Variants in KTN1 observed in about 807,000 individuals in gnomAD.
KTN1 encodes the protein kinectin 1, also known as kinectin.
KTN1 carries 130 observed loss-of-function variants against 222.5 expected under a neutral mutation model. The ratio of observed to expected loss-of-function variants is 0.58; its 90% CI spans 0.51 to 0.68. The LOEUF (loss-of-function observed/expected upper bound fraction) is 0.68. Among genes scored for constraint, KTN1 ranks in the 30% least tolerant of loss-of-function variants. The probability of loss-of-function intolerance (pLI) is 0.00; values close to 1 mark genes in which losing one functional copy is unlikely to be tolerated. For missense variants in KTN1, 1,508 were observed against 1,500.4 expected, an observed-to-expected ratio of 1.01 and a Z score of -0.08; for synonymous variants, 512 against 496.3, an observed-to-expected ratio of 1.03 and a Z score of -0.42.
At chr14:55,613,748 C>T (rs764425717) in intron 2 of KTN1, among the ~76,000 whole-genome samples, 6 of 152,018 alleles carry the variant, frequency 3.9e-5, no homozygotes, top group South Asian at 2.1e-4. Flanking sequence ...AAATTACAGG[C>T]GTGAGCCACC....
In KTN1 at chr14:55,634,526, G is replaced by T. The variant is rs138725576; in HGVS notation, c.1329G>T (p.Lys443Asn). 1.2e-6 allele frequency: 2 copies of T among 1,603,096 alleles called. No homozygotes were observed. Among genetic ancestry groups the T allele is most frequent in the African/African-American group, 2.7e-5 (2 of 74,074 alleles). The part of the protein sequence containing the change: ...VSNTTNQLES[K>N]QSAELNKLRQ... ...CTCCTAATCCAGTTACTGTTTTCAG[G>T]CAGTCTGCAGAACTAAATAAACTAC... is the stretch of plus-strand genomic sequence containing the variant. The change falls in exon 9 of 44, where the codon AAG becomes AAT. Residue 443 changes from lysine (K) to asparagine (N), a missense_variant and splice_region_variant. Lys to Asn is a moderately conservative substitution (Grantham distance 94, BLOSUM62 0). Coordinates refer to ENST00000395314, the MANE Select transcript of KTN1 (RefSeq NM_001079521.2).
chr14:55,672,595 GT>G (rs3215766), intron 37 of KTN1, 34 bp from the exon 38 acceptor site: 489,935 of 1,362,162 alleles, frequency 0.36, 90,181 homozygotes, highest in Middle Eastern at 0.41. Flanking sequence ...ATCCTTGGTG[GT>G]TTTACTTGGC....
intron 1 of KTN1, among the ~76,000 whole-genome samples, chr14:55,583,195 A>T (rs2032129814): frequency 2.0e-5 from 3 of 152,282 alleles, no homozygotes. Flanking sequence ...AAAGAGAAAT[A>T]ATGACAGTTT....
intron 5 of KTN1, among the ~76,000 whole-genome samples, chr14:55,625,971 A>T (rs1241663305): frequency 6.6e-6 from 1 of 152,182 alleles, no homozygotes; most frequent in Non-Finnish European, 1.5e-5. Context: ...TACTCTACAC[A>T]CATCAAGGGA....
intron 1 of KTN1, 116 bp from the exon 2 acceptor site, chr14:55,611,903 T>C: frequency 4.6e-6 from 2 of 436,992 alleles, no homozygotes; most frequent in Non-Finnish European, 8.0e-6. Context: ...CTGTTTAGAT[T>C]TGTAGGTCAG....
chr14:55,626,984 G>A (rs543209181), intron 5 of KTN1, among the ~76,000 whole-genome samples: 1 of 151,860 alleles, frequency 6.6e-6, no homozygotes, highest in East Asian at 1.9e-4. Flanking sequence ...CTTTCAGGAT[G>A]TGCCTGTTAA....
chr14:55,589,349 AGTG>A (rs567210627), intron 1 of KTN1, among the ~76,000 whole-genome samples: 23 of 152,268 alleles, frequency 1.5e-4, no homozygotes, highest in African/African-American at 5.3e-4. Context: ...CCCAGGCTGG[AGTG>A]CAGTGGTACA....
intron 20 of KTN1, among the ~76,000 whole-genome samples, chr14:55,648,601 G>A (rs1394792405): frequency 2.0e-5 from 3 of 152,142 alleles, no homozygotes; most frequent in Non-Finnish European, 4.4e-5. Flanking sequence ...GGATGTAATT[G>A]AATTAAAAAT....
At position 55,649,786 on chromosome 14, in the gene KTN1, C is replaced by A. The variant is rs1273574140; in HGVS notation, c.2378C>A (p.Ala793Asp). Residue 793 changes from alanine to aspartate, a missense_variant, in exon 22 of 44, where the codon GCC becomes GAC. Ala to Asp is a moderately radical substitution (Grantham distance 126). Transcript: ENST00000395314. ...CTTTCCTATTTCCAGGTTTCTTTTG[C>A]CTCTCTAGTTGAAGAACTTAAGAAA... ...KAKQNDQVSF[A>D]SLVEELKKVI... The A allele has an allele frequency of 6.6e-7, 1 of 1,518,778 alleles. No individual in the cohort carries two copies. The highest frequency in any genetic ancestry group is 9.0e-7 in the Non-Finnish European group (1 of 1,106,396). The allele number at this position is 1,518,778 out of a possible 1,614,324, so 94.1% of individuals were successfully genotyped here. A position where few individuals can be genotyped will look rare whatever the true frequency, so the allele number is the denominator to read the frequency against.
chr14:55,673,332 C>G, intron 40 of KTN1, 77 bp downstream of exon 40: 1 of 850,458 alleles, frequency 1.2e-6, no homozygotes, highest in Non-Finnish European at 1.9e-6. Context: ...ACCATCCAGG[C>G]TTTTTTTTCT....
Position 55,627,519 on chromosome 14 carries a change from A to C in KTN1, c.964-393A>C, listed in dbSNP as rs187874052. On this transcript the variant is annotated intron_variant, in intron 5 of 43. Transcript: ENST00000395314. ...TGTGCAGAACGTGCAGGTTTGTTAC[A>C]TAGGTATACACATGCCGTGGTGGTT... Among the ~76,000 whole-genome samples, 6 of 152,036 alleles carry C rather than the reference A, an allele frequency of 3.9e-5. No individual in the cohort carries two copies. In the East Asian group the frequency reaches 1.2e-3, roughly 29 times the overall value.
Position 55,619,062 on chromosome 14 carries a change from C to T in KTN1, c.833-120C>T, listed in dbSNP as rs575841474. On this transcript the variant is annotated intron_variant, in intron 4 of 43. Transcript: ENST00000395314. ...GTTTTATTTAACCTGAAGTATATATCTGTTTTCTTTCGGTTATTGACTTTC... is the reference window on the plus strand; with the variant it reads ...GTTTTATTTAACCTGAAGTATATATTTGTTTTCTTTCGGTTATTGACTTTC... The T allele has an allele frequency of 5.5e-4, 389 of 706,886 alleles. 5 individuals carry two copies. In the South Asian group the frequency reaches 7.0e-3, roughly 13 times the overall value. The allele number at this position is 706,886 out of a possible 1,614,324, so 43.8% of individuals were successfully genotyped here.
chr14:55,589,831 G>C (rs2033785826), intron 1 of KTN1, among the ~76,000 whole-genome samples: 1 of 151,674 alleles, frequency 6.6e-6, no homozygotes, highest in South Asian at 2.1e-4. Flanking sequence ...GCTAATTTTT[G>C]TATTTTTAGT....
At chr14:55,649,554 A>AT (rs1315078104) in intron 21 of KTN1, among the ~76,000 whole-genome samples, 2 of 152,094 alleles carry the variant, frequency 1.3e-5, no homozygotes, top group Admixed American at 6.5e-5. Flanking sequence ...TTATCTAATG[A>AT]TTTTTTCTTT....
chr14:55,633,614 A>AT (rs1043183565), intron 8 of KTN1, among the ~76,000 whole-genome samples: 10 of 151,854 alleles, frequency 6.6e-5, no homozygotes, highest in African/African-American at 2.2e-4. Context: ...ATAAACATGT[A>AT]TGTGTATATT....
intron 5 of KTN1, 33 bp from the exon 6 acceptor site, chr14:55,627,879 A>C (rs747773841): frequency 1.6e-6 from 2 of 1,217,360 alleles, no homozygotes; most frequent in East Asian, 4.6e-5. Flanking sequence ...CATGGTAACT[A>C]TTACTAATTC....
At position 55,636,507 on chromosome 14, in the gene KTN1, G is replaced by A. The variant is rs763496515; in HGVS notation, c.1520G>A (p.Arg507Lys). 6.2e-7 allele frequency: 1 copy of A among 1,610,568 alleles called. No individual in the cohort carries two copies. The highest frequency in any genetic ancestry group is 2.2e-5 in the East Asian group (1 of 44,804). Residue 507 changes from arginine (R) to lysine (K), a missense_variant, in exon 10 of 44, where the codon AGA (arginine) becomes AAA (lysine). Physicochemically the swap from Arg to Lys is conservative, Grantham distance 26. Coordinates refer to ENST00000395314, the MANE Select transcript of KTN1 (RefSeq NM_001079521.2). ...WEEVQSYIRK[R>K]TAEHEAAQQD... Reference sequence around the variant, plus strand: ...GAAGTTCAGAGCTACATCAGGAAGAGAACAGCGGAACATGAGGCAGCACAG... The same window carrying A: ...GAAGTTCAGAGCTACATCAGGAAGAAAACAGCGGAACATGAGGCAGCACAG...
intron 3 of KTN1, among the ~76,000 whole-genome samples, chr14:55,617,545 G>A (rs1456563463): frequency 6.6e-6 from 1 of 152,266 alleles, no homozygotes; most frequent in East Asian, 1.9e-4. Context: ...TTTGCACTTA[G>A]CAAGTACAAA....
intron 1 of KTN1, among the ~76,000 whole-genome samples, chr14:55,609,018 TTTC>T (rs1223285249): frequency 2.6e-5 from 4 of 151,346 alleles, no homozygotes; most frequent in Non-Finnish European, 4.4e-5. Context: ...ATGCAAACAT[TTTC>T]TTCTTTTTTA....
Sources: allele counts gnomAD v4.1 joint callset (sites outside exome capture counted in the v4.1 genomes callset), GRCh38; gene constraint gnomAD v4.1.1; transcripts MANE v1.5; gene names NCBI Gene and HGNC (gene_info 2026-07-23, HGNC 2026-07-21).